PPP1R11: variants seen among roughly 807,000 people sequenced by gnomAD.
The protein encoded by PPP1R11 is E3 ubiquitin-protein ligase PPP1R11.
PPP1R11 carries 10 observed loss-of-function variants against 11.3 expected under a neutral mutation model. The ratio of observed to expected loss-of-function variants is 0.88; its 90% CI spans 0.55 to 1.50. PPP1R11 has a LOEUF of 1.50. Among genes scored for constraint, PPP1R11 ranks in the 40% most tolerant of loss-of-function variants. PPP1R11 has a pLI of 0.00. For missense variants in PPP1R11, 114 were observed against 179.1 expected (o/e 0.64, Z 2.07); for synonymous variants, 56 against 62.3 (o/e 0.90, Z 0.48).
In PPP1R11 at chr6:30,067,305, G is replaced by C; in HGVS notation, c.-106G>C. ...GGAATAAAGAAGGTGGAGGATCCTG[G>C]CTACCACTCTGAATCCGATACCGCT... is the stretch of plus-strand genomic sequence containing the variant. On this transcript the variant is annotated 5_prime_UTR_variant, in exon 1 of 3. Coordinates refer to ENST00000376772, the MANE Select transcript of PPP1R11 (RefSeq NM_021959.3). The C allele has an allele frequency of 3.3e-6, 4 of 1,194,160 alleles. No individual in the cohort carries two copies. Among genetic ancestry groups the C allele is most frequent in the Non-Finnish European group, 4.9e-6 (4 of 822,222 alleles). The allele number at this position is 1,194,160 out of a possible 1,614,324, so 74.0% of individuals were successfully genotyped here.
chr6:30,069,192 CTG>C lies in PPP1R11; in HGVS notation c.271_272del (p.Val91ThrfsTer24), dbSNP rs1345814388. 6.2e-7 allele frequency: 1 copy of C among 1,612,206 alleles called. No homozygotes were observed. Among genetic ancestry groups the C allele is most frequent in the African/African-American group, 1.3e-5 (1 of 74,892 alleles). On this transcript the variant is annotated frameshift_variant, in exon 3 of 3. Transcript: ENST00000376772. LOFTEE classifies it high-confidence loss of function. This position sits in a 1 kb window ranked among gnomAD's most constrained non-coding sequence, Gnocchi z 6.6. The stretch of plus-strand genomic sequence containing the variant: ...AAGAAGAGGGCTGTGGTCATACACA[CTG>C]TGTACGTGGCCACCGCAAAGGACGG... ...EEEEGCGHTH[C>X]VRGHRKGRRR...
chr6:30,068,541 A>G (rs1320557869), intron 1 of PPP1R11, 49 bp from the exon 2 acceptor site: 2 of 1,489,078 alleles, frequency 1.3e-6, no homozygotes, highest in South Asian at 1.2e-5. Context: ...GGAGTGGGAA[A>G]GGTTAGTAAG....
chr6:30,064,641 G>C, upstream of PPP1R11: 1 of 1,595,234 alleles, frequency 6.3e-7, no homozygotes, highest in Non-Finnish European at 8.5e-7. Context: ...TCATCTTTTG[G>C]TGAATATAAC....
In PPP1R11 at chr6:30,067,425, G is replaced by T; in HGVS notation, c.15G>T (p.Gly5=). The change falls in exon 1 of 3, where the codon GGG becomes GGT. Residue 5 remains glycine (G), a synonymous_variant. Coordinates refer to ENST00000376772, the MANE Select transcript of PPP1R11 (RefSeq NM_021959.3). ...GAGCCTTAGCCATGGCCGAGGCAGG[G>T]GCTGGGCTGAGCGAGACCGTCACTG... The part of the protein sequence containing the change: MAEA[G]AGLSETVTET... The T allele has an allele frequency of 6.2e-7, 1 of 1,614,172 alleles. No individual in the cohort carries two copies.
In PPP1R11 at chr6:30,069,354, T is replaced by G; in HGVS notation, c.*48T>G. 7.2e-7 allele frequency: 1 copy of G among 1,394,610 alleles called. No individual in the cohort carries two copies. The highest frequency in any genetic ancestry group is 9.8e-7 in the Non-Finnish European group (1 of 1,025,566). The allele number at this position is 1,394,610 out of a possible 1,614,324, so 86.4% of individuals were successfully genotyped here. On this transcript the variant is annotated 3_prime_UTR_variant, in exon 3 of 3. Transcript: ENST00000376772. This position sits in a 1 kb window ranked among gnomAD's most constrained non-coding sequence, Gnocchi z 6.6. The stretch of plus-strand genomic sequence containing the variant: ...CTGTGTCTGTCTGGCCCTAAATGTA[T>G]CCATGTGGCTACTTCTCCAGCCCCC...
upstream of PPP1R11, among the ~76,000 whole-genome samples, chr6:30,062,543 ATTTTTTTTTTTTTT>A (rs9278553): frequency 4.6e-5 from 3 of 64,998 alleles, no homozygotes; most frequent in South Asian, 7.6e-4. Context: ...ACCTTTTAGG[ATTTTTTTTTTTTTT>A]TTTTTTTTTT....
upstream of PPP1R11, chr6:30,062,097 T>C: frequency 6.8e-7 from 1 of 1,479,624 alleles, no homozygotes; most frequent in Non-Finnish European, 9.4e-7. Context: ...CTCTGGAGAG[T>C]TTTGTGCCCA....
At chr6:30,067,600 A>G in intron 1 of PPP1R11, 121 bp downstream of exon 1, 4 of 1,248,668 alleles carry the variant, frequency 3.2e-6, no homozygotes, top group Non-Finnish European at 4.6e-6. Context: ...GTGGGGTTGA[A>G]TATCTAGGGC....
In PPP1R11 at chr6:30,070,134, TCTTA is replaced by T. The variant is rs1765815576; in HGVS notation, c.*832_*835del. The T allele has an allele frequency of 6.5e-6, 1 of 152,718 alleles. No homozygotes were observed. The highest frequency in any genetic ancestry group is 6.5e-5 in the Admixed American group (1 of 15,332). The allele number at this position is 152,718 out of a possible 1,614,324, so 9.5% of individuals were successfully genotyped here. ...ATGTCCCCTGTAGTACACTCTTACCTCTTACTTCCTAGACTTTGATTTCTCCGGC... is the reference window on the plus strand; with the variant it reads ...ATGTCCCCTGTAGTACACTCTTACCTCTTCCTAGACTTTGATTTCTCCGGC... On this transcript the variant is annotated 3_prime_UTR_variant, in exon 3 of 3. Transcript: ENST00000376772.
upstream of PPP1R11, among the ~76,000 whole-genome samples, chr6:30,063,000 A>G (rs1463081886): frequency 6.6e-6 from 1 of 151,830 alleles, no homozygotes; most frequent in Non-Finnish European, 1.5e-5. Flanking sequence ...GGAGAGAATT[A>G]GTCACACATG....
At chr6:30,061,668 G>A in the PPP1R11 span, 1 of 1,613,020 alleles carries the variant, frequency 6.2e-7, no homozygotes, top group Non-Finnish European at 8.5e-7. The surrounding 1 kb of genome is among the most constrained non-coding windows in gnomAD (Gnocchi z 5.0). Context: ...TCAACGTTCG[G>A]GGTGAGAGGC....
Position 30,067,577 on chromosome 6 carries a change from G to C in PPP1R11, c.69+98G>C, listed in dbSNP as rs1047164863. On this transcript the variant is annotated intron_variant, in intron 1 of 2. Transcript: ENST00000376772. ...GAGTTGTTGGAGGAGCTAGGCCTAG[G>C]GATATGGGAGGTGTGGGGTTGAATA... The C allele has an allele frequency of 1.2e-5, 17 of 1,412,740 alleles. No individual in the cohort carries two copies. In the Admixed American group the frequency reaches 2.9e-4, roughly 24 times the overall value. 87.5% of individuals were successfully genotyped at this position (1,412,740 alleles called of 1,614,324 possible). A position where few individuals can be genotyped will look rare whatever the true frequency, so the allele number is the denominator to read the frequency against.
chr6:30,061,981 GT>G, upstream of PPP1R11: 1 of 1,613,148 alleles, frequency 6.2e-7, no homozygotes, highest in South Asian at 1.1e-5. This position sits in a 1 kb window ranked among gnomAD's most constrained non-coding sequence, Gnocchi z 5.0. Context: ...CCATGCCTAT[GT>G]CGGTGGAGGA....
the PPP1R11 span, chr6:30,061,659 C>T: frequency 6.2e-7 from 1 of 1,613,040 alleles, no homozygotes; most frequent in Non-Finnish European, 8.5e-7. The surrounding 1 kb of genome is among the most constrained non-coding windows in gnomAD (Gnocchi z 5.0). Flanking sequence ...GCTTCAACAT[C>T]AACGTTCGGG....
At position 30,067,444 on chromosome 6, in the gene PPP1R11, G is replaced by A. The variant is rs1765622086; in HGVS notation, c.34G>A (p.Val12Ile). Residue 12 changes from valine to isoleucine, a missense_variant, in exon 1 of 3, where the codon GTC becomes ATC. By Grantham distance (29) the Val-to-Ile change is conservative (BLOSUM62 3). Coordinates refer to ENST00000376772, the MANE Select transcript of PPP1R11 (RefSeq NM_021959.3). ...GGCAGGGGCTGGGCTGAGCGAGACC[G>A]TCACTGAGACAACGGTTACCGTGAC... ...AEAGAGLSET[V>I]TETTVTVTTE... The A allele has an allele frequency of 1.2e-6, 2 of 1,614,162 alleles. No individual in the cohort carries two copies. The highest frequency in any genetic ancestry group is 8.5e-7 in the Non-Finnish European group (1 of 1,180,022).
intron 2 of PPP1R11, 125 bp from the exon 3 acceptor site, chr6:30,068,979 C>A: frequency 1.9e-6 from 2 of 1,029,418 alleles, no homozygotes; most frequent in South Asian, 1.5e-5. Flanking sequence ...GAGGGTGGGC[C>A]TGGGGAAGCT....
At chr6:30,067,676 A>T (rs894324721) in intron 1 of PPP1R11, 197 bp downstream of exon 1, 2 of 624,876 alleles carry the variant, frequency 3.2e-6, no homozygotes, top group African/African-American at 3.7e-5. Context: ...CAGGTCAAGG[A>T]ACTTGTAATA....
Position 30,069,526 on chromosome 6 carries a change from C to T in PPP1R11, c.*220C>T, listed in dbSNP as rs531558835. 303 of 466,964 alleles carry T rather than the reference C, an allele frequency of 6.5e-4. 3 individuals are homozygous for T. The East Asian group carries it at 9.5e-3, about 15-fold the overall frequency. 28.9% of individuals were successfully genotyped at this position (466,964 alleles called of 1,614,324 possible). On this transcript the variant is annotated 3_prime_UTR_variant, in exon 3 of 3. Coordinates refer to ENST00000376772, the MANE Select transcript of PPP1R11 (RefSeq NM_021959.3). This position sits in a 1 kb window ranked among gnomAD's most constrained non-coding sequence, Gnocchi z 6.6. ...CCTCCCAATACCCACCCTTCTCTCT[C>T]GAGGGATCTAGGCACCTTGGTCCCA...
At position 30,067,391 on chromosome 6, in the gene PPP1R11, C is replaced by T; in HGVS notation, c.-20C>T. 2 of 1,611,990 alleles carry T rather than the reference C, an allele frequency of 1.2e-6. No homozygotes were observed. The highest frequency in any genetic ancestry group is 1.7e-6 in the Non-Finnish European group (2 of 1,178,106). ...GTCTCATCCCCCTTCCTCCTCTCCT[C>T]CCTGTCCTGAGCCTTAGCCATGGCC... On this transcript the variant is annotated 5_prime_UTR_variant, in exon 1 of 3. Transcript: ENST00000376772.
Sources: gnomAD v4.1 joint callset for allele counts (sites outside exome capture counted in the v4.1 genomes callset) on GRCh38, gnomAD v4.1.1 for gene constraint, Gnocchi (gnomAD v3.1) non-coding constraint, MANE v1.5 for transcripts, NCBI Gene and HGNC (gene_info 2026-07-23, HGNC 2026-07-21) for gene names.